The following KANK1 variants were observed in gnomAD, a reference collection of about 807,000 sequenced individuals.
The protein encoded by KANK1 is KN motif and ankyrin repeat domains 1.
In KANK1, 109 loss-of-function variants were observed where a neutral mutation model predicts 106.2. That is an observed-to-expected ratio of 1.03 (90% CI 0.88 to 1.20). The LOEUF (loss-of-function observed/expected upper bound fraction) is 1.20, where lower values mean the gene tolerates loss of function less well. Among genes scored for constraint, KANK1 ranks in the 50% most tolerant of loss-of-function variants. KANK1 has a pLI of 0.00. For synonymous variants in KANK1, 873 were observed against 652.2 expected (o/e 1.34, Z -5.16); for missense variants, 2,399 against 1,710.7 (o/e 1.40, Z -7.10).
chr9:585,955 G>A (rs748595824), intron 1 of KANK1, among the ~76,000 whole-genome samples: 11 of 152,318 alleles, frequency 7.2e-5, no homozygotes, highest in Admixed American at 2.6e-4. Flanking sequence ...TATCACTAGG[G>A]ATGTAGATGT....
At chr9:588,361 A>G (rs752761231) in intron 1 of KANK1, among the ~76,000 whole-genome samples, 2 of 152,196 alleles carry the variant, frequency 1.3e-5, no homozygotes, top group South Asian at 2.1e-4. Context: ...TGCAGTGAAC[A>G]TCTGTCATGC....
intron 1 of KANK1, among the ~76,000 whole-genome samples, chr9:542,845 A>ATT (rs2060690120): frequency 1.3e-5 from 2 of 151,812 alleles, no homozygotes; most frequent in Admixed American, 1.3e-4. Context: ...AGAAAGTCAA[A>ATT]CTCTCACAGA....
rs986518448 is a variant in KANK1 at position 475,476 on chromosome 9, C to G, written c.-362+2203C>G. Among the ~76,000 whole-genome samples, 10 of 152,186 alleles carry G rather than the reference C, an allele frequency of 6.6e-5. 1 individual carries two copies. Among genetic ancestry groups the G allele is most frequent in the Admixed American group, 6.5e-4 (10 of 15,286 alleles). On this transcript the variant is annotated intron_variant, in intron 3 of 15. Coordinates refer to the KANK1 transcript ENST00000382303. ...AAATATACTCTACTTCCTTTCATTC[C>G]TGCTCTGAAGCTTTTTAATAAATTT...
At chr9:704,853 G>A (rs977394415) in intron 2 of KANK1, among the ~76,000 whole-genome samples, 3 of 151,454 alleles carry the variant, frequency 2.0e-5, no homozygotes, top group African/African-American at 4.9e-5. Context: ...TTAGCCAGGC[G>A]TGGTGCTACA....
intron 1 of KANK1, among the ~76,000 whole-genome samples, chr9:559,349 T>G (rs1252417323): frequency 6.6e-6 from 1 of 152,178 alleles, no homozygotes; most frequent in Admixed American, 6.5e-5. Flanking sequence ...TGATTTTCAT[T>G]TTTTCCAAGC....
intron 1 of KANK1, among the ~76,000 whole-genome samples, chr9:657,787 C>T (rs1842469822): frequency 6.6e-6 from 1 of 151,942 alleles, no homozygotes; most frequent in African/African-American, 2.4e-5. Context: ...GACAGTTGAC[C>T]TCTGTAAAGC....
chr9:717,628 A>G (rs1828072392), intron 3 of KANK1, among the ~76,000 whole-genome samples: 1 of 152,122 alleles, frequency 6.6e-6, no homozygotes, highest in African/African-American at 2.4e-5. Context: ...ATTTTCTTTT[A>G]TAAAATAAAA....
chr9:619,011 A>T (rs1832522801), intron 1 of KANK1, among the ~76,000 whole-genome samples: 1 of 152,244 alleles, frequency 6.6e-6, no homozygotes, highest in Admixed American at 6.5e-5. Context: ...TGGACTCTAC[A>T]TTTTATGAAC....
intron 1 of KANK1, among the ~76,000 whole-genome samples, chr9:613,710 C>T (rs552911205): frequency 6.6e-6 from 1 of 152,068 alleles, no homozygotes; most frequent in African/African-American, 2.4e-5. Context: ...AGTAGTATTT[C>T]AAATGAGATT....
At chr9:604,331 C>G (rs747245698) in intron 1 of KANK1, among the ~76,000 whole-genome samples, 1 of 151,610 alleles carries the variant, frequency 6.6e-6, no homozygotes, top group Non-Finnish European at 1.5e-5. Context: ...GTAATCCCCA[C>G]GTGTTGAGGG....
intron 1 of KANK1, among the ~76,000 whole-genome samples, chr9:657,761 A>T (rs1842463446): frequency 6.6e-6 from 1 of 152,158 alleles, no homozygotes; most frequent in African/African-American, 2.4e-5. Context: ...CAAATTGTAA[A>T]GCCCCTTCTA....
intron 1 of KANK1, among the ~76,000 whole-genome samples, chr9:589,278 A>T (rs929235759): frequency 6.6e-6 from 1 of 152,128 alleles, no homozygotes; most frequent in East Asian, 1.9e-4. Flanking sequence ...TTGCTCACTG[A>T]TGGTTGTGGA....
intron 1 of KANK1, among the ~76,000 whole-genome samples, chr9:590,427 C>T (rs1824562715): frequency 6.6e-6 from 1 of 152,058 alleles, no homozygotes; most frequent in Non-Finnish European, 1.5e-5. Context: ...TCCTCCTTTA[C>T]CAGACAGTTT....
At chr9:597,039 A>G (rs1178252623) in intron 1 of KANK1, among the ~76,000 whole-genome samples, 1 of 151,972 alleles carries the variant, frequency 6.6e-6, no homozygotes, top group East Asian at 1.9e-4. Flanking sequence ...CACTTAGTAT[A>G]TTCATCCATG....
intron 2 of KANK1, among the ~76,000 whole-genome samples, chr9:704,732 G>C (rs1823557382): frequency 6.6e-6 from 1 of 152,080 alleles, no homozygotes; most frequent in Non-Finnish European, 1.5e-5. Context: ...TGTAATTCCA[G>C]CATGTTGAGA....
intron 1 of KANK1, among the ~76,000 whole-genome samples, chr9:546,460 T>C (rs1397621898): frequency 2.0e-5 from 3 of 152,066 alleles, no homozygotes; most frequent in Non-Finnish European, 4.4e-5. Flanking sequence ...TTCAGGCTCA[T>C]GGGAAAAGGC....
Position 596,458 on chromosome 9 carries a change from T to C in KANK1, c.-83-80432T>C, listed in dbSNP as rs1692330853. 3.3e-5 allele frequency among the ~76,000 whole-genome samples: 5 copies of C among 151,798 alleles called. No homozygotes were observed. In the South Asian group the frequency reaches 1.0e-3, roughly 31 times the overall value. On this transcript the variant is annotated intron_variant, in intron 1 of 11. Coordinates refer to ENST00000382297, the MANE Select transcript of KANK1 (RefSeq NM_015158.5). ...TGTCCTCTGAGCCCCTATGCTAAGC[T>C]GAACTAGGCTTTTGTTTCTGGCAAT...
chr9:652,967 G>A lies in KANK1; in HGVS notation c.-83-23923G>A, dbSNP rs114091848. On this transcript the variant is annotated intron_variant, in intron 1 of 11. Coordinates refer to ENST00000382297, the MANE Select transcript of KANK1 (RefSeq NM_015158.5). ...TTTCAGCATCTGTTCCGGCGTTGGC[G>A]GTGGGAATTCTCTGAATAGTCCTCA... Among the ~76,000 whole-genome samples, 632 of 152,310 alleles carry A rather than the reference G, an allele frequency of 4.1e-3. 1 individual carries two copies. Among genetic ancestry groups the A allele is most frequent in the African/African-American group, 0.014 (594 of 41,542 alleles).
At chr9:719,517 G>A (rs978650513) in intron 3 of KANK1, among the ~76,000 whole-genome samples, 6 of 152,290 alleles carry the variant, frequency 3.9e-5, no homozygotes, top group African/African-American at 1.4e-4. Flanking sequence ...GAAAGTTCTT[G>A]GCACTATCAA....
Sources: allele counts gnomAD v4.1 joint callset (sites outside exome capture counted in the v4.1 genomes callset), GRCh38; gene constraint gnomAD v4.1.1; transcripts MANE v1.5; gene names NCBI Gene and HGNC (gene_info 2026-07-23, HGNC 2026-07-21).